The following GALNT1 variants were observed in gnomAD, a reference collection of about 807,000 sequenced individuals.
The protein encoded by GALNT1 is polypeptide N-acetylgalactosaminyltransferase 1, also known as GalNAc transferase 1.
A neutral mutation model predicts 65.7 loss-of-function variants in GALNT1; 17 were observed. The observed-to-expected ratio is 0.26, with a 90% CI of 0.18 to 0.39. The LOEUF is 0.39. Among genes scored for constraint, GALNT1 ranks in the 10% least tolerant of loss-of-function variants. The probability of loss-of-function intolerance (pLI) is 1.00; values close to 1 mark genes in which losing one functional copy is unlikely to be tolerated. For missense variants in GALNT1, 460 were observed against 672.8 expected, an observed-to-expected ratio of 0.68 and a Z score of 3.50; for synonymous variants, 210 against 219.7, an observed-to-expected ratio of 0.96 and a Z score of 0.39.
intron 1 of GALNT1, among the ~76,000 whole-genome samples, chr18:35,595,204 A>G (rs1296772878): frequency 1.3e-5 from 2 of 152,232 alleles, no homozygotes; most frequent in Non-Finnish European, 2.9e-5. Context: ...CAAAAAAGTA[A>G]TGTAATATTT....
At chr18:35,687,706 T>C (rs1445006428) in intron 6 of GALNT1, among the ~76,000 whole-genome samples, 1 of 152,038 alleles carries the variant, frequency 6.6e-6, no homozygotes. Flanking sequence ...TATTCTCTGA[T>C]TTTTTTTCTC....
chr18:35,704,280 T>A (rs573480389), intron 11 of GALNT1, among the ~76,000 whole-genome samples: 12,412 of 152,162 alleles, frequency 0.082, 563 homozygotes, highest in African/African-American at 0.12. Flanking sequence ...GCTTAACTTC[T>A]GTAAGGCATT....
chr18:35,677,539 A>G, intron 3 of GALNT1, 52 bp from the exon 4 acceptor site: 2 of 1,458,922 alleles, frequency 1.4e-6, no homozygotes, highest in Admixed American at 1.9e-5. Context: ...AGATTCCTTT[A>G]TTATGCAATC....
chr18:35,653,225 G>T (rs1051514459), intron 1 of GALNT1, among the ~76,000 whole-genome samples: 1 of 152,120 alleles, frequency 6.6e-6, no homozygotes, highest in African/African-American at 2.4e-5. Flanking sequence ...GATGAAAGGA[G>T]GAATATAGGC....
rs769764807 is a variant in GALNT1, at chr18:35,691,158, T to C, written c.1125T>C (p.Asp375=). 1.1e-5 allele frequency: 18 copies of C among 1,607,334 alleles called. No individual in the cohort carries two copies. The highest frequency in any genetic ancestry group is 1.5e-5 in the Non-Finnish European group (18 of 1,178,032). Residue 375 remains aspartate, a synonymous_variant, in exon 8 of 12, where the codon GAT becomes GAC. Transcript: ENST00000269195. ...NNRRLAEVWM[D]EFKNFFYIIS... is the part of the protein sequence containing the mutation. ...GACGACTTGCAGAAGTGTGGATGGATGAATTCAAGAATTTCTTCTATATAA... is the reference window on the plus strand; with the variant it reads ...GACGACTTGCAGAAGTGTGGATGGACGAATTCAAGAATTTCTTCTATATAA...
chr18:35,597,457 T>C (rs1458829522), intron 1 of GALNT1: 1 of 152,198 alleles, frequency 6.6e-6, no homozygotes, highest in Admixed American at 6.5e-5. Context: ...TTAATGACTC[T>C]TTACATTCTA....
Position 35,677,633 on chromosome 18 carries a change from TGTG to T in GALNT1, c.361_363del (p.Val121del). 3 of 1,613,100 alleles carry T rather than the reference TGTG, an allele frequency of 1.9e-6. No homozygotes were observed. Among genetic ancestry groups the T allele is most frequent in the Middle Eastern group, 1.7e-4 (1 of 6,058 alleles). On this transcript the variant is annotated inframe_deletion, in exon 4 of 12. Transcript: ENST00000269195. ...ATCCAGATAATCTTCCTACAACAAG[TGTG>T]GTGATTGTTTTCCACAATGAGGCTT...
At chr18:35,663,224 A>G (rs2047501520) in intron 2 of GALNT1, among the ~76,000 whole-genome samples, 1 of 152,212 alleles carries the variant, frequency 6.6e-6, no homozygotes. Context: ...TTTGACTGCA[A>G]GATGAAGTAC....
chr18:35,681,831 G>T (rs867284472), intron 4 of GALNT1, among the ~76,000 whole-genome samples: 2 of 152,152 alleles, frequency 1.3e-5, no homozygotes, highest in Non-Finnish European at 2.9e-5. Context: ...AAGTCAGGCA[G>T]ACCTGGGTTT....
intron 1 of GALNT1, among the ~76,000 whole-genome samples, chr18:35,639,231 C>T (rs1157723285): frequency 6.6e-6 from 1 of 152,076 alleles, no homozygotes; most frequent in Non-Finnish European, 1.5e-5. Context: ...TCATTTTTGT[C>T]TTATTTTAAG....
At chr18:35,625,999 T>C (rs2046912068) in intron 1 of GALNT1, among the ~76,000 whole-genome samples, 1 of 152,160 alleles carries the variant, frequency 6.6e-6, no homozygotes, top group African/African-American at 2.4e-5. Flanking sequence ...TTCTTCTGTT[T>C]GCTGTTCCCC....
chr18:35,700,744 A>T (rs991663318), intron 9 of GALNT1, among the ~76,000 whole-genome samples: 1 of 152,162 alleles, frequency 6.6e-6, no homozygotes, highest in Non-Finnish European at 1.5e-5. Context: ...CGGCCTCCCA[A>T]AGTGCTAGGA....
At chr18:35,602,924 A>G (rs1019808114) in intron 1 of GALNT1, among the ~76,000 whole-genome samples, 14 of 152,136 alleles carry the variant, frequency 9.2e-5, no homozygotes, top group African/African-American at 2.7e-4. Context: ...ATGTATGTCT[A>G]TGACTTCACA....
At chr18:35,647,273 A>C (rs1479354087) in intron 1 of GALNT1, among the ~76,000 whole-genome samples, 1 of 152,150 alleles carries the variant, frequency 6.6e-6, no homozygotes, top group African/African-American at 2.4e-5. Flanking sequence ...CAAAGCAGTT[A>C]TCACAATTGG....
chr18:35,624,391 C>T (rs2046891175), intron 1 of GALNT1, among the ~76,000 whole-genome samples: 4 of 152,100 alleles, frequency 2.6e-5, no homozygotes, highest in Admixed American at 2.0e-4. Context: ...AGAATAAGCT[C>T]CTCTACTTTT....
intron 1 of GALNT1, among the ~76,000 whole-genome samples, chr18:35,604,772 T>A (rs2046626222): frequency 6.6e-6 from 1 of 152,212 alleles, no homozygotes; most frequent in Admixed American, 6.5e-5. Context: ...TTGTTTGTTT[T>A]TTGCTTGCTG....
Position 35,692,280 on chromosome 18 carries a change from C to G in GALNT1, c.1259C>G (p.Pro420Arg), listed in dbSNP as rs749207892. The G allele has an allele frequency of 6.3e-7, 1 of 1,595,576 alleles. No individual in the cohort carries two copies. Residue 420 changes from proline to arginine, a missense_variant, in exon 9 of 12, where the codon CCT (proline) becomes CGT (arginine). Coordinates refer to ENST00000269195, the MANE Select transcript of GALNT1 (RefSeq NM_020474.4). ...PFSWYLENIY[P>R]DSQIPRHYFS... ...TCCTGGTACCTAGAGAATATATATC[C>G]TGATTCTCAAATTCCACGTCACTAT...
intron 1 of GALNT1, among the ~76,000 whole-genome samples, chr18:35,620,318 C>T (rs2046835304): frequency 6.6e-6 from 1 of 152,128 alleles, no homozygotes; most frequent in Middle Eastern, 3.2e-3. Context: ...CCCATATTCC[C>T]ACCCACTGAT....
intron 6 of GALNT1, 90 bp downstream of exon 6, chr18:35,687,276 T>C: frequency 7.9e-7 from 1 of 1,268,512 alleles, no homozygotes; most frequent in Non-Finnish European, 1.1e-6. Context: ...AAGTGTATTT[T>C]GAGAAACGTG....
Sources: allele counts gnomAD v4.1 joint callset (sites outside exome capture counted in the v4.1 genomes callset), GRCh38; gene constraint gnomAD v4.1.1; transcripts MANE v1.5; gene names NCBI Gene and HGNC (gene_info 2026-07-23, HGNC 2026-07-21).